The following TRIM58 variants were observed in gnomAD, a reference collection of about 807,000 sequenced individuals.
The protein encoded by TRIM58 is E3 ubiquitin-protein ligase TRIM58.
In TRIM58, 38 loss-of-function variants were observed where a neutral mutation model predicts 34.1. The ratio of observed to expected loss-of-function variants is 1.12; its 90% CI spans 0.86 to 1.46. The LOEUF is 1.46. Ranked by LOEUF, TRIM58 falls within the 40% of genes most tolerant of loss-of-function variation. TRIM58 has a pLI of 0.00. For synonymous variants in TRIM58, 273 were observed against 275.7 expected (o/e 0.99, Z 0.10); for missense variants, 677 against 642.0 (o/e 1.05, Z -0.59).
intron 2 of TRIM58, among the ~76,000 whole-genome samples, chr1:247,864,039 C>T (rs1249977855): frequency 2.0e-5 from 3 of 152,100 alleles, no homozygotes; most frequent in Non-Finnish European, 1.5e-5. Flanking sequence ...GTGGTTCTAG[C>T]GACTGATCTA....
At position 247,877,440 on chromosome 1, in the gene TRIM58, G is replaced by A. The variant is rs1303822602; in HGVS notation, c.*951G>A. On this transcript the variant is annotated 3_prime_UTR_variant, in exon 6 of 6. Transcript: ENST00000366481. ...AAAAAAAAAATAGAAAAATTAGCTG[G>A]GCATGGTGGCAGGAGCCTGTAATCC... 1 of 152,002 alleles carries A rather than the reference G, an allele frequency of 6.6e-6. No homozygotes were observed. The highest frequency in any genetic ancestry group is 1.5e-5 in the Non-Finnish European group (1 of 68,018). The allele number at this position is 152,002 out of a possible 1,614,324, so 9.4% of individuals were successfully genotyped here.
At chr1:247,863,888 A>C (rs948605570) in intron 2 of TRIM58, among the ~76,000 whole-genome samples, 4 of 152,190 alleles carry the variant, frequency 2.6e-5, no homozygotes, top group Non-Finnish European at 5.9e-5. Flanking sequence ...AGCATCACTT[A>C]GTTCTTTCTT....
Position 247,879,692 on chromosome 1 carries a change from T to G in TRIM58, c.*3203T>G, listed in dbSNP as rs1016593131. Among the ~76,000 whole-genome samples the G allele has an allele frequency of 1.3e-5, 2 of 151,626 alleles. No individual in the cohort carries two copies. Among genetic ancestry groups the G allele is most frequent in the African/African-American group, 4.8e-5 (2 of 41,286 alleles). Reference sequence around the variant, plus strand: ...GCTGCCCTGGCCTCATGGCTGGGTTTCCACCAAAGCAGGCACTTCCCATCA... The same window carrying G: ...GCTGCCCTGGCCTCATGGCTGGGTTGCCACCAAAGCAGGCACTTCCCATCA... On this transcript the variant is annotated 3_prime_UTR_variant, in exon 6 of 6. Transcript: ENST00000366481.
chr1:247,861,063 A>G (rs905130915), intron 2 of TRIM58, among the ~76,000 whole-genome samples: 1 of 152,254 alleles, frequency 6.6e-6, no homozygotes, highest in Non-Finnish European at 1.5e-5. Context: ...AATATTTCAC[A>G]ACTTTGTAAC....
chr1:247,876,232 C>G lies in TRIM58; in HGVS notation c.1204C>G (p.Leu402Val), dbSNP rs1354227720. Reference protein sequence around the residue: ...YMVLASPSVPLLQLESPRCIG... With the variant: ...YMVLASPSVPVLQLESPRCIG... ...GGTCCTTGCCTCCCCATCAGTGCCTCTTCTCCAACTGGAAAGTCCTCGCTG... is the reference window on the plus strand; with the variant it reads ...GGTCCTTGCCTCCCCATCAGTGCCTGTTCTCCAACTGGAAAGTCCTCGCTG... Residue 402 changes from leucine (L) to valine (V), a missense_variant, in exon 6 of 6, where the codon CTT becomes GTT. By Grantham distance (32) the Leu-to-Val change is conservative (BLOSUM62 1). Transcript: ENST00000366481. 1 of 1,614,124 alleles carries G rather than the reference C, an allele frequency of 6.2e-7. No homozygotes were observed. The highest frequency in any genetic ancestry group is 1.3e-5 in the African/African-American group (1 of 74,938).
In TRIM58 at chr1:247,877,101, C is replaced by T. The variant is rs530941458; in HGVS notation, c.*612C>T. Reference sequence around the variant, plus strand: ...TGGTCACATTTCCTATGACTTTACTCAATTACTTTTAAAATCCTTTCTATT... The same window carrying T: ...TGGTCACATTTCCTATGACTTTACTTAATTACTTTTAAAATCCTTTCTATT... On this transcript the variant is annotated 3_prime_UTR_variant, in exon 6 of 6. Transcript: ENST00000366481. 3 of 152,334 alleles carry T rather than the reference C, an allele frequency of 2.0e-5. No homozygotes were observed. In the South Asian group the frequency reaches 6.2e-4, roughly 32 times the overall value. 9.4% of individuals were successfully genotyped at this position (152,334 alleles called of 1,614,324 possible).
At chr1:247,863,671 G>C (rs1663852184) in intron 2 of TRIM58, among the ~76,000 whole-genome samples, 1 of 152,128 alleles carries the variant, frequency 6.6e-6, no homozygotes, top group African/African-American at 2.4e-5. Context: ...GACAGAGAAT[G>C]GGAGGTATAG....
At chr1:247,859,011 C>CGCCG (rs1384801841) in intron 1 of TRIM58, among the ~76,000 whole-genome samples, 2 of 152,022 alleles carry the variant, frequency 1.3e-5, no homozygotes, top group African/African-American at 4.8e-5. Context: ...GTGATCCATC[C>CGCCG]GCCGTGGCCT....
rs1328785040 is a variant in TRIM58 at position 247,876,349 on chromosome 1, T to A, written c.1321T>A (p.Ser441Thr). Reference protein sequence around the residue: ...SYIYTFNQLFSGLLRPYFFIC... With the variant: ...SYIYTFNQLFTGLLRPYFFIC... ...TATCTACACATTCAACCAACTCTTC[T>A]CTGGTCTTCTTCGGCCTTACTTTTT... is the stretch of plus-strand genomic sequence containing the variant. The change falls in exon 6 of 6, where the codon TCT becomes ACT. Residue 441 changes from serine to threonine, a missense_variant. Ser to Thr is a moderately conservative substitution (Grantham distance 58). Transcript: ENST00000366481. 1 of 1,614,158 alleles carries A rather than the reference T, an allele frequency of 6.2e-7. No individual in the cohort carries two copies. Among genetic ancestry groups the A allele is most frequent in the Non-Finnish European group, 8.5e-7 (1 of 1,180,012 alleles).
At chr1:247,867,520 C>A (rs1276136737) in intron 3 of TRIM58, among the ~76,000 whole-genome samples, 2 of 151,754 alleles carry the variant, frequency 1.3e-5, no homozygotes, top group African/African-American at 4.8e-5. Context: ...ATGGTGAAAC[C>A]CCATCTCTAC....
intron 5 of TRIM58, among the ~76,000 whole-genome samples, chr1:247,869,914 G>T (rs183831629): frequency 7.2e-5 from 11 of 152,322 alleles, no homozygotes; most frequent in African/African-American, 2.6e-4. Flanking sequence ...TTCTTTATTG[G>T]AGGAAAGGGA....
At chr1:247,867,379 TAA>T (rs1663954533) in intron 3 of TRIM58, among the ~76,000 whole-genome samples, 1 of 152,162 alleles carries the variant, frequency 6.6e-6, no homozygotes, top group African/African-American at 2.4e-5. Context: ...GGAATTAACC[TAA>T]ACTTTGTATA....
At chr1:247,867,324 G>C (rs924015382) in intron 3 of TRIM58, among the ~76,000 whole-genome samples, 1 of 152,124 alleles carries the variant, frequency 6.6e-6, no homozygotes. Flanking sequence ...TATCCAAGTA[G>C]CAGAATTATT....
Position 247,878,164 on chromosome 1 carries a change from A to AAAATAAATAAAT in TRIM58, c.*1709_*1720dup, listed in dbSNP as rs10578618. ...GGCAACAGAGCAAGACTCCATCTCA[A>AAAATAAATAAAT]AAATAAATAAATAAATAAATAAATA... On this transcript the variant is annotated 3_prime_UTR_variant, in exon 6 of 6. Transcript: ENST00000366481. 5.2e-4 allele frequency: 75 copies of AAAATAAATAAAT among 144,378 alleles called. 1 individual carries two copies. Among genetic ancestry groups the AAAATAAATAAAT allele is most frequent in the East Asian group, 1.6e-3 (8 of 4,894 alleles). The allele number at this position is 144,378 out of a possible 1,614,324, so 8.9% of individuals were successfully genotyped here.
Position 247,876,141 on chromosome 1 carries a change from G to C in TRIM58, c.1113G>C (p.Gly371=), listed in dbSNP as rs766366234. Residue 371 remains glycine, a synonymous_variant, in exon 6 of 6, where the codon GGG becomes GGC. Coordinates refer to ENST00000366481, the MANE Select transcript of TRIM58 (RefSeq NM_015431.4). ...GVCQDTLPRK[G]ETTPSPENGV... The stretch of plus-strand genomic sequence containing the variant: ...GTCAAGACACACTGCCAAGAAAGGG[G>C]GAAACCACGCCATCTCCTGAGAATG... 6 of 1,614,026 alleles carry C rather than the reference G, an allele frequency of 3.7e-6. No individual in the cohort carries two copies. In the East Asian group the frequency reaches 1.3e-4, roughly 36 times the overall value.
In TRIM58 at chr1:247,879,772, C is replaced by A. The variant is rs1435788005; in HGVS notation, c.*3283C>A. The stretch of plus-strand genomic sequence containing the variant: ...CTTGACATTCCCTTTTCCCTGATAT[C>A]CCCTTGACTCATTATTCCCTTTCTT... On this transcript the variant is annotated 3_prime_UTR_variant, in exon 6 of 6. Coordinates refer to ENST00000366481, the MANE Select transcript of TRIM58 (RefSeq NM_015431.4). Among the ~76,000 whole-genome samples, 1 of 151,400 alleles carries A rather than the reference C, an allele frequency of 6.6e-6. No homozygotes were observed. The highest frequency in any genetic ancestry group is 2.0e-4 in the East Asian group (1 of 5,060).
At chr1:247,875,827 C>G (rs1448429862) in intron 5 of TRIM58, 73 bp from the exon 6 acceptor site, 2 of 1,342,922 alleles carry the variant, frequency 1.5e-6, no homozygotes, top group African/African-American at 2.9e-5. Context: ...TGGGACTATT[C>G]TTTTCAGTGG....
chr1:247,867,922 G>A (rs1241263548), intron 4 of TRIM58, 41 bp from the exon 5 acceptor site: 11 of 1,613,572 alleles, frequency 6.8e-6, no homozygotes, highest in Non-Finnish European at 5.9e-6. Context: ...GGAGCTGGTG[G>A]AGAACCCTGC....
chr1:247,868,939 G>A (rs1441240123), intron 5 of TRIM58, among the ~76,000 whole-genome samples: 6 of 152,032 alleles, frequency 3.9e-5, no homozygotes, highest in African/African-American at 7.2e-5. Context: ...TTACTCTGTC[G>A]CCCAGGCTGG....
Sources: allele counts gnomAD v4.1 joint callset (sites outside exome capture counted in the v4.1 genomes callset), GRCh38; gene constraint gnomAD v4.1.1; transcripts MANE v1.5; gene names NCBI Gene and HGNC (gene_info 2026-07-23, HGNC 2026-07-21).